The following BRI3 variants were observed in gnomAD, a reference collection of about 807,000 sequenced individuals.
The protein encoded by BRI3 is membrane protein BRI3.
A neutral mutation model predicts 12.8 loss-of-function variants in BRI3; 6 were observed. That is an observed-to-expected ratio of 0.47 (90% CI 0.26 to 0.93). The LOEUF (loss-of-function observed/expected upper bound fraction) is 0.93, where lower values mean the gene tolerates loss of function less well. Among genes scored for constraint, BRI3 ranks in the 40% least tolerant of loss-of-function variants. The probability of loss-of-function intolerance (pLI) is 0.15; values close to 1 mark genes in which losing one functional copy is unlikely to be tolerated. For synonymous variants in BRI3, 91 were observed against 76.1 expected (o/e 1.20, Z -1.02); for missense variants, 134 against 171.1 (o/e 0.78, Z 1.21).
At chr7:98,292,057 G>C (rs777718827), downstream of BRI3, 4 of 153,580 alleles carry the variant, frequency 2.6e-5, no homozygotes, top group Non-Finnish European at 5.8e-5. Flanking sequence ...TTCATGGTGG[G>C]GGTGCCTGGT....
chr7:98,293,294 T>C (rs1231274700), downstream of BRI3: 1 of 452,904 alleles, frequency 2.2e-6, no homozygotes, highest in Non-Finnish European at 4.0e-6. Flanking sequence ...GAAGAAAATA[T>C]TTTAAATGGC....
the BRI3 span, among the ~76,000 whole-genome samples, chr7:98,319,625 C>CA: frequency 1.3e-5 from 2 of 150,718 alleles, no homozygotes; most frequent in African/African-American, 2.4e-5. Flanking sequence ...TGGCTCACTG[C>CA]AACCTCCGCC....
At chr7:98,318,771 C>T in the BRI3 span, among the ~76,000 whole-genome samples, 5 of 151,256 alleles carry the variant, frequency 3.3e-5, no homozygotes, top group Non-Finnish European at 7.4e-5. Flanking sequence ...GGTGAAACCC[C>T]GTCTCTACTA....
chr7:98,294,063 GC>G, downstream of BRI3: 2 of 1,613,706 alleles, frequency 1.2e-6, no homozygotes, highest in Non-Finnish European at 8.5e-7. Flanking sequence ...CACGTAGGAA[GC>G]CACGCCTACC....
the BRI3 span, among the ~76,000 whole-genome samples, chr7:98,318,226 TTC>T: frequency 3.3e-5 from 5 of 152,230 alleles, no homozygotes; most frequent in African/African-American, 1.2e-4. Context: ...TAAGGACATC[TTC>T]TCTTTCTTTT....
chr7:98,309,483 CAAT>C (rs1800792978), exon 2 of BRI3: 1 of 152,028 alleles, frequency 6.6e-6, no homozygotes, highest in Admixed American at 6.6e-5. Flanking sequence ...CTGCTTTTAC[CAAT>C]AAGAACCAGA....
chr7:98,282,111 T>C (rs1562955375), intron 1 of BRI3, among the ~76,000 whole-genome samples, 174 bp downstream of exon 1: 1 of 152,108 alleles, frequency 6.6e-6, no homozygotes, highest in South Asian at 2.1e-4. Context: ...CCCGGGGCTC[T>C]AGTCCTCGGG....
chr7:98,285,572 G>A lies in BRI3; in HGVS notation c.245+3119G>A, dbSNP rs1433830179. On this transcript the variant is annotated intron_variant, in intron 2 of 2. Coordinates refer to ENST00000297290, the MANE Select transcript of BRI3 (RefSeq NM_015379.5). ...CTTGCTGGGCAGGGCTGCAGACCTCGGTGCCCAAGTGCTCCCTCAGTGGCC... is the reference window on the plus strand; with the variant it reads ...CTTGCTGGGCAGGGCTGCAGACCTCAGTGCCCAAGTGCTCCCTCAGTGGCC... 5.3e-5 allele frequency among the ~76,000 whole-genome samples: 8 copies of A among 152,302 alleles called. No homozygotes were observed. The East Asian group carries it at 9.7e-4, about 18-fold the overall frequency.
At chr7:98,301,323 C>T (rs1228653029) in intron 1 of BRI3, among the ~76,000 whole-genome samples, 1 of 152,156 alleles carries the variant, frequency 6.6e-6, no homozygotes, top group Non-Finnish European at 1.5e-5. Context: ...CACTCAAACA[C>T]GTGCAGAATC....
At chr7:98,306,595 C>A (rs776978477) in exon 1 of BRI3, 2 of 1,603,798 alleles carry the variant, frequency 1.2e-6, no homozygotes, top group Non-Finnish European at 1.7e-6. Flanking sequence ...CTGGTGAGAG[C>A]TCAGGGCAGA....
the BRI3 span, among the ~76,000 whole-genome samples, chr7:98,316,232 G>A: frequency 1.3e-5 from 2 of 152,082 alleles, no homozygotes; most frequent in Non-Finnish European, 2.9e-5. Context: ...TGATTGTGAG[G>A]CCTCCCCGGC....
At chr7:98,306,166 G>A (rs1409104354), upstream of BRI3, among the ~76,000 whole-genome samples, 1 of 152,194 alleles carries the variant, frequency 6.6e-6, no homozygotes, top group Non-Finnish European at 1.5e-5. Context: ...TGGGTTTAGC[G>A]ACCAGGAGGG....
the BRI3 span, chr7:98,317,190 A>G: frequency 1.2e-6 from 2 of 1,613,946 alleles, no homozygotes; most frequent in Non-Finnish European, 1.7e-6. Context: ...CAACAACAAA[A>G]GAAAACAAGA....
downstream of BRI3, chr7:98,311,981 G>T (rs996753217): frequency 1.9e-6 from 2 of 1,072,110 alleles, no homozygotes; most frequent in Non-Finnish European, 2.7e-6. Context: ...GGTGCGAAAA[G>T]GTGGTCCTGG....
At chr7:98,293,836 C>T (rs545400495), downstream of BRI3, among the ~76,000 whole-genome samples, 5 of 152,362 alleles carry the variant, frequency 3.3e-5, no homozygotes, top group South Asian at 1.0e-3. Flanking sequence ...GCACCCACAC[C>T]TCTTTAGTCC....
chr7:98,292,883 T>C (rs1800028512), downstream of BRI3: 1 of 1,438,214 alleles, frequency 7.0e-7, no homozygotes, highest in Non-Finnish European at 9.1e-7. Flanking sequence ...GGAGGAGATT[T>C]CGTCGAGTGC....
chr7:98,322,388 A>T, the BRI3 span, among the ~76,000 whole-genome samples: 1 of 152,108 alleles, frequency 6.6e-6, no homozygotes, highest in African/African-American at 2.4e-5. Context: ...ACATGTCTCA[A>T]AGTGACCTCT....
downstream of BRI3, among the ~76,000 whole-genome samples, chr7:98,310,768 C>G (rs185388288): frequency 3.3e-5 from 5 of 152,050 alleles, no homozygotes; most frequent in East Asian, 9.7e-4. Context: ...CTCACTGCAA[C>G]CTCCGCCTCC....
intron 2 of BRI3, among the ~76,000 whole-genome samples, chr7:98,286,943 G>T (rs80041163): frequency 6.6e-6 from 1 of 152,226 alleles, no homozygotes; most frequent in Admixed American, 6.5e-5. Flanking sequence ...TGTGGGTACG[G>T]CTGTGGAATC....
Sources: gnomAD v4.1 joint callset for allele counts (sites outside exome capture counted in the v4.1 genomes callset) on GRCh38, gnomAD v4.1.1 for gene constraint, MANE v1.5 for transcripts, NCBI Gene and HGNC (gene_info 2026-07-23, HGNC 2026-07-21) for gene names.